The following KCTD1 variants were observed in gnomAD, a reference collection of about 807,000 sequenced individuals.
KCTD1 encodes the protein BTB/POZ domain-containing protein KCTD1.
In KCTD1, 24 loss-of-function variants were observed where a neutral mutation model predicts 66.0. That is an observed-to-expected ratio of 0.36 (90% CI 0.26 to 0.51). The LOEUF (loss-of-function observed/expected upper bound fraction) is 0.51. KCTD1 is among the 20% of genes least tolerant of loss of function. KCTD1 has a pLI of 0.95. For synonymous variants in KCTD1, 511 were observed against 517.2 expected, an observed-to-expected ratio of 0.99 and a Z score of 0.16; for missense variants, 943 against 1,205.2, an observed-to-expected ratio of 0.78 and a Z score of 3.22.
chr18:26,476,412 T>C lies in KCTD1; in HGVS notation c.2133+103A>G. ...ATGTCAAAGAGAACTCTGGCACCTT[T>C]CGAGTTGGTGTATGTTAATAATGTA... On this transcript the variant is annotated intron_variant, in intron 3 of 4. Transcript: ENST00000580059. The surrounding 1 kb of genome is among the most constrained non-coding windows in gnomAD (Gnocchi z 4.9). The C allele has an allele frequency of 9.1e-7, 1 of 1,102,466 alleles. No individual in the cohort carries two copies. The allele number at this position is 1,102,466 out of a possible 1,614,324, so 68.3% of individuals were successfully genotyped here.
At position 26,520,610 on chromosome 18, in the gene KCTD1, T is replaced by C. The variant is rs1465480305; in HGVS notation, c.1810-19360A>G. ...ATGTGAAAGATAAGGGATGAGGAAATTTGACACATTAGAACTCCCTAAAAC... is the reference window on the plus strand; with the variant it reads ...ATGTGAAAGATAAGGGATGAGGAAACTTGACACATTAGAACTCCCTAAAAC... On this transcript the variant is annotated intron_variant, in intron 1 of 4. Coordinates refer to ENST00000580059, the MANE Select transcript of KCTD1 (RefSeq NM_001142730.3). Among the ~76,000 whole-genome samples, 5 of 152,280 alleles carry C rather than the reference T, an allele frequency of 3.3e-5. No individual in the cohort carries two copies. The East Asian group carries it at 7.7e-4, about 24-fold the overall frequency.
chr18:26,588,830 A>G (rs1210577366), intron 1 of KCTD1, among the ~76,000 whole-genome samples: 1 of 149,572 alleles, frequency 6.7e-6, no homozygotes, highest in Non-Finnish European at 1.5e-5. Context: ...CACACTTTCC[A>G]CAAGGAGCAG....
At position 26,578,057 on chromosome 18, in the gene KCTD1, C is replaced by CTTTTTTTTTTTTTTT. The variant is rs11381611; in HGVS notation, c.-16+51075_-16+51089dup. 6.8e-5 allele frequency among the ~76,000 whole-genome samples: 8 copies of CTTTTTTTTTTTTTTT among 117,042 alleles called. 1 individual carries two copies. Among genetic ancestry groups the CTTTTTTTTTTTTTTT allele is most frequent in the East Asian group, 2.4e-4 (1 of 4,250 alleles). 76.8% of individuals were successfully genotyped at this position (117,042 alleles called of 152,430 possible). ...ACCTTGCTTTTCTTTTCTTTTCTTT[C>CTTTTTTTTTTTTTTT]TTTTTTTTTTTTTTTTTTTGACAGA... On this transcript the variant is annotated intron_variant, in intron 1 of 4. Transcript: ENST00000317932.
chr18:26,587,063 A>G (rs1182346818), intron 1 of KCTD1, among the ~76,000 whole-genome samples: 4 of 152,238 alleles, frequency 2.6e-5, no homozygotes, highest in Admixed American at 1.3e-4. Flanking sequence ...TTCTATTAGA[A>G]GCAGATACCA....
chr18:26,599,297 C>G, intron 1 of KCTD1: 1 of 962,870 alleles, frequency 1.0e-6, no homozygotes, highest in South Asian at 1.5e-5. Context: ...GTTTGGTGCT[C>G]TTTTAGAAAT....
upstream of KCTD1, among the ~76,000 whole-genome samples, chr18:26,644,352 G>A (rs1987892519): frequency 6.6e-6 from 1 of 152,176 alleles, no homozygotes; most frequent in East Asian, 1.9e-4. Context: ...AGAGGTCAAG[G>A]TGATGAAAGA....
chr18:26,539,506 T>C (rs943022122), intron 1 of KCTD1, among the ~76,000 whole-genome samples: 4 of 152,160 alleles, frequency 2.6e-5, no homozygotes, highest in African/African-American at 7.2e-5. Flanking sequence ...TCATTATTAT[T>C]AATGTTAATG....
At chr18:26,555,387 T>C (rs1378759701) in intron 1 of KCTD1, among the ~76,000 whole-genome samples, 1 of 152,146 alleles carries the variant, frequency 6.6e-6, no homozygotes, top group African/African-American at 2.4e-5. Context: ...ATTGCGCCAC[T>C]GCACTCCAGC....
chr18:26,471,072 G>C (rs569479915), intron 3 of KCTD1, among the ~76,000 whole-genome samples: 1 of 152,192 alleles, frequency 6.6e-6, no homozygotes, highest in South Asian at 2.1e-4. Flanking sequence ...ATTTCTGCTT[G>C]ACCCTCTGAC....
chr18:26,642,271 T>C (rs902298146), upstream of KCTD1, among the ~76,000 whole-genome samples: 2 of 152,186 alleles, frequency 1.3e-5, no homozygotes, highest in Non-Finnish European at 1.5e-5. Context: ...CTTCTCTCCT[T>C]AGAGCGAGTG....
At chr18:26,519,894 G>A (rs1440228835) in intron 1 of KCTD1, among the ~76,000 whole-genome samples, 1 of 152,192 alleles carries the variant, frequency 6.6e-6, no homozygotes, top group Non-Finnish European at 1.5e-5. Flanking sequence ...GCTGCCATTT[G>A]TTGCTCTTAA....
chr18:26,536,738 G>GT (rs1397948210), intron 1 of KCTD1, among the ~76,000 whole-genome samples: 1 of 152,004 alleles, frequency 6.6e-6, no homozygotes, highest in Admixed American at 6.6e-5. Flanking sequence ...CTTGCACACC[G>GT]TAAGTGCTCA....
At chr18:26,497,517 G>A (rs1048942876) in intron 2 of KCTD1, among the ~76,000 whole-genome samples, 3 of 152,184 alleles carry the variant, frequency 2.0e-5, no homozygotes, top group East Asian at 1.9e-4. Flanking sequence ...AGGAGCACCC[G>A]ACGCTATGGG....
intron 4 of KCTD1, 21 bp downstream of exon 4, chr18:26,459,599 C>T (rs1454781567): frequency 3.9e-6 from 6 of 1,548,780 alleles, no homozygotes; most frequent in Admixed American, 1.8e-5. Flanking sequence ...TGATGCCACA[C>T]AGTGCGTAAC....
chr18:26,631,721 CAAA>C (rs1361472639), upstream of KCTD1, among the ~76,000 whole-genome samples: 1 of 152,144 alleles, frequency 6.6e-6, no homozygotes, highest in East Asian at 1.9e-4. Flanking sequence ...AAAATATTCC[CAAA>C]AAACCCTCCA....
At chr18:26,502,291 C>T (rs995932713) in intron 1 of KCTD1, among the ~76,000 whole-genome samples, 8 of 152,260 alleles carry the variant, frequency 5.3e-5, no homozygotes, top group East Asian at 3.9e-4. Flanking sequence ...CCTCGTGATC[C>T]GCCCACCTCG....
At chr18:26,503,396 C>G (rs1378648152) in intron 1 of KCTD1, among the ~76,000 whole-genome samples, 1 of 152,060 alleles carries the variant, frequency 6.6e-6, no homozygotes, top group Non-Finnish European at 1.5e-5. Context: ...ATCTGGATGA[C>G]AGAAAACATA....
At chr18:26,577,197 A>AC (rs1405022796) in intron 1 of KCTD1, among the ~76,000 whole-genome samples, 1 of 152,188 alleles carries the variant, frequency 6.6e-6, no homozygotes, top group Admixed American at 6.5e-5. Context: ...ATGTTAGAAC[A>AC]CCTACACACT....
chr18:26,576,691 C>G (rs193253774), intron 1 of KCTD1, among the ~76,000 whole-genome samples: 1 of 152,242 alleles, frequency 6.6e-6, no homozygotes, highest in African/African-American at 2.4e-5. Flanking sequence ...AATATACCAA[C>G]AAAAATATTT....
Sources: allele counts gnomAD v4.1 joint callset (sites outside exome capture counted in the v4.1 genomes callset), GRCh38; gene constraint gnomAD v4.1.1; non-coding constraint Gnocchi (gnomAD v3.1); transcripts MANE v1.5; gene names NCBI Gene and HGNC (gene_info 2026-07-23, HGNC 2026-07-21).